The following NEK5 variants were observed in gnomAD, a reference collection of about 807,000 sequenced individuals.
NEK5 encodes NIMA related kinase 5, also known as serine/threonine-protein kinase Nek5.
Under a neutral mutation model 109.2 loss-of-function variants are expected in NEK5, and 88 were observed. The observed-to-expected ratio is 0.81, with a 90% CI of 0.68 to 0.96. The LOEUF is 0.96. NEK5 is among the 40% of genes least tolerant of loss of function. The pLI, the probability that NEK5 is intolerant of heterozygous loss-of-function variation, is 0.00. For missense variants in NEK5, 834 were observed against 920.7 expected (o/e 0.91, Z 1.22); for synonymous variants, 283 against 299.9 (o/e 0.94, Z 0.58).
chr13:52,089,192 C>G, intron 14 of NEK5, 55 bp downstream of exon 14: 1 of 1,121,960 alleles, frequency 8.9e-7, no homozygotes, highest in Non-Finnish European at 1.4e-6. Flanking sequence ...AATCTGTGAA[C>G]AGAAAAACTA....
Position 52,034,384 on chromosome 13 carries a change from T to G in NEK5, c.*2564A>C, listed in dbSNP as rs1209251242. Reference sequence around the variant, plus strand: ...TATGTATACTTATCACAGTGAATACTTCCAGTTTACAGCAAAGAATTCAAA... The same window carrying G: ...TATGTATACTTATCACAGTGAATACGTCCAGTTTACAGCAAAGAATTCAAA... On this transcript the variant is annotated 3_prime_UTR_variant, in exon 24 of 24. Coordinates refer to ENST00000684899, the MANE Select transcript of NEK5 (RefSeq NM_001365552.1). The G allele has an allele frequency of 6.6e-6, 1 of 152,184 alleles. No individual in the cohort carries two copies. Among genetic ancestry groups the G allele is most frequent in the Non-Finnish European group, 1.5e-5 (1 of 68,034 alleles). The allele number at this position is 152,184 out of a possible 1,614,324, so 9.4% of individuals were successfully genotyped here. A position where few individuals can be genotyped will look rare whatever the true frequency, so the allele number is the denominator to read the frequency against.
At chr13:52,066,869 ACT>A (rs961729501) in intron 20 of NEK5, among the ~76,000 whole-genome samples, 5 of 151,956 alleles carry the variant, frequency 3.3e-5, no homozygotes, top group South Asian at 2.1e-4. Context: ...TTTACATATA[ACT>A]CTTTTTTAAA....
At chr13:52,105,758 T>G (rs1298439794) in intron 8 of NEK5, among the ~76,000 whole-genome samples, 1 of 152,198 alleles carries the variant, frequency 6.6e-6, no homozygotes, top group African/African-American at 2.4e-5. Flanking sequence ...TTGAGGACTG[T>G]GGTGAACCAG....
chr13:52,036,423 A>G lies in NEK5; in HGVS notation c.*525T>C, dbSNP rs921124545. ...GGGACATGTTTTGGAGGGGGCATTG[A>G]GCCACATTACTCTGCCTACCACATA... On this transcript the variant is annotated 3_prime_UTR_variant, in exon 24 of 24. Transcript: ENST00000684899. 1 of 151,722 alleles carries G rather than the reference A, an allele frequency of 6.6e-6. No homozygotes were observed. Among genetic ancestry groups the G allele is most frequent in the Non-Finnish European group, 1.5e-5 (1 of 67,998 alleles). 9.4% of individuals were successfully genotyped at this position (151,722 alleles called of 1,614,324 possible).
intron 21 of NEK5, among the ~76,000 whole-genome samples, chr13:52,064,142 T>C (rs1954645304): frequency 8.3e-6 from 1 of 120,320 alleles, no homozygotes; most frequent in Non-Finnish European, 1.7e-5. Context: ...CAGGAGCCCC[T>C]CTGCCTGGCC....
intron 4 of NEK5, among the ~76,000 whole-genome samples, chr13:52,113,207 A>G (rs1005333664): frequency 1.3e-5 from 2 of 152,244 alleles, no homozygotes; most frequent in African/African-American, 2.4e-5. Context: ...TGTACAGACT[A>G]TCCACAAATC....
intron 12 of NEK5, among the ~76,000 whole-genome samples, chr13:52,097,341 C>A (rs1384765494): frequency 1.3e-5 from 2 of 152,224 alleles, no homozygotes; most frequent in African/African-American, 4.8e-5. Context: ...GCACCACGCA[C>A]CTGGAAAAGC....
chr13:52,054,892 C>T (rs1732492326), intron 22 of NEK5, among the ~76,000 whole-genome samples: 1 of 152,210 alleles, frequency 6.6e-6, no homozygotes, highest in Non-Finnish European at 1.5e-5. Flanking sequence ...AGCAGAGCAC[C>T]TCTCCTCCTC....
Position 52,112,284 on chromosome 13 carries a change from A to T in NEK5, c.296T>A (p.Leu99Ter). Residue 99 changes from leucine to a stop codon, truncating the protein, a stop_gained, in exon 5 of 24, where the codon TTA (leucine) becomes TAA (stop). Coordinates refer to ENST00000684899, the MANE Select transcript of NEK5 (RefSeq NM_001365552.1). LOFTEE classifies it high-confidence loss of function. Reference sequence around the variant, plus strand: ...AGTTTTTACCTGATCTTCACTAAATAACACACCCCGTTGTCTATTGATCCT... The same window carrying T: ...AGTTTTTACCTGATCTTCACTAAATTACACACCCCGTTGTCTATTGATCCT... Reference protein sequence around the residue: ...MKRINRQRGVLFSEDQILGWF... With the variant: ...MKRINRQRGV The T allele has an allele frequency of 1.2e-6, 2 of 1,606,984 alleles. No individual in the cohort carries two copies. Among genetic ancestry groups the T allele is most frequent in the Non-Finnish European group, 1.7e-6 (2 of 1,173,790 alleles).
chr13:52,076,011 G>A (rs1954862382), intron 18 of NEK5, 52 bp downstream of exon 18: 2 of 1,159,716 alleles, frequency 1.7e-6, no homozygotes, highest in Non-Finnish European at 1.3e-6. Flanking sequence ...TCACAAGGTG[G>A]CTCCCCAGCC....
rs560842983 is a variant in NEK5 at position 52,083,464 on chromosome 13, C to A, written c.1480-112G>T. The A allele has an allele frequency of 2.7e-5, 18 of 655,580 alleles. 1 individual carries two copies. In the South Asian group the frequency reaches 3.0e-4, roughly 11 times the overall value. 40.6% of individuals were successfully genotyped at this position (655,580 alleles called of 1,614,324 possible). A position where few individuals can be genotyped will look rare whatever the true frequency, so the allele number is the denominator to read the frequency against. ...TGGCTGGACAGAACCCTTTTTATAG[C>A]TCCTTTTCCCCGCCACAGCTTCAGT... is the stretch of plus-strand genomic sequence containing the variant. On this transcript the variant is annotated intron_variant, in intron 16 of 23. Transcript: ENST00000684899.
At chr13:52,103,874 ACT>A (rs1353376429) in intron 9 of NEK5, among the ~76,000 whole-genome samples, 2 of 152,016 alleles carry the variant, frequency 1.3e-5, no homozygotes, top group African/African-American at 2.4e-5. Flanking sequence ...CTGGGAAAAG[ACT>A]CTTAAAAGCT....
Position 52,085,920 on chromosome 13 carries a change from G to A in NEK5, c.1479+357C>T, listed in dbSNP as rs115729170. The stretch of plus-strand genomic sequence containing the variant: ...GGTTTGTTTTTTTCCCACCTTCTGG[G>A]CATGAACTTACACTCATTTTGGACT... On this transcript the variant is annotated intron_variant, in intron 16 of 23. Transcript: ENST00000684899. Among the ~76,000 whole-genome samples the A allele has an allele frequency of 3.0e-3, 451 of 152,240 alleles. 3 individuals carry two copies. The highest frequency in any genetic ancestry group is 0.01 in the African/African-American group (428 of 41,556).
Position 52,125,432 on chromosome 13 carries a change from G to A in NEK5, c.117+1934C>T, listed in dbSNP as rs1026390051. ...CAAAAAATTAGCCAGGCGTGGTGGC[G>A]GGCGCCTGTAGTCCCAGCTACTCGG... is the stretch of plus-strand genomic sequence containing the variant. On this transcript the variant is annotated intron_variant, in intron 3 of 23. Transcript: ENST00000684899. 4.6e-5 allele frequency among the ~76,000 whole-genome samples: 7 copies of A among 152,108 alleles called. No homozygotes were observed. The South Asian group carries it at 8.3e-4, about 18-fold the overall frequency.
At chr13:52,061,419 C>A (rs1954613890) in intron 22 of NEK5, among the ~76,000 whole-genome samples, 1 of 152,034 alleles carries the variant, frequency 6.6e-6, no homozygotes, top group African/African-American at 2.4e-5. Context: ...CAGAATCTTG[C>A]TAAAAATTGG....
intron 23 of NEK5, among the ~76,000 whole-genome samples, chr13:52,045,082 G>A (rs965547312): frequency 3.3e-5 from 5 of 149,412 alleles, no homozygotes; most frequent in Admixed American, 2.0e-4. Flanking sequence ...ATGCAAATAC[G>A]TATAAAAACG....
Position 52,034,375 on chromosome 13 carries a change from A to G in NEK5, c.*2573T>C, listed in dbSNP as rs150281460. 1.3e-5 allele frequency: 2 copies of G among 152,352 alleles called. No individual in the cohort carries two copies. Among genetic ancestry groups the G allele is most frequent in the East Asian group, 3.9e-4 (2 of 5,190 alleles). 9.4% of individuals were successfully genotyped at this position (152,352 alleles called of 1,614,324 possible). On this transcript the variant is annotated 3_prime_UTR_variant, in exon 24 of 24. Transcript: ENST00000684899. ...TGTTGCAGATATGTATACTTATCACAGTGAATACTTCCAGTTTACAGCAAA... is the reference window on the plus strand; with the variant it reads ...TGTTGCAGATATGTATACTTATCACGGTGAATACTTCCAGTTTACAGCAAA...
chr13:52,119,325 ATGAAT>A lies in NEK5; in HGVS notation c.203_207del (p.Asn68IlefsTer15), dbSNP rs1239859640. On this transcript the variant is annotated frameshift_variant, in exon 4 of 24. Coordinates refer to ENST00000684899, the MANE Select transcript of NEK5 (RefSeq NM_001365552.1). LOFTEE classifies it high-confidence loss of function. ...GAATATTAGAAAATCAAACCTTGAA[ATGAAT>A]TGAAGAAGGCTACAATGTTGGGATG... 6.4e-7 allele frequency: 1 copy of A among 1,554,404 alleles called. No individual in the cohort carries two copies. Among genetic ancestry groups the A allele is most frequent in the African/African-American group, 1.4e-5 (1 of 73,508 alleles).
intron 7 of NEK5, among the ~76,000 whole-genome samples, chr13:52,109,858 T>A (rs189005294): frequency 1.3e-5 from 2 of 152,306 alleles, no homozygotes; most frequent in East Asian, 3.9e-4. Context: ...ACCAAACCCA[T>A]GTACATCTAA....
Sources: gnomAD v4.1 joint callset for allele counts (sites outside exome capture counted in the v4.1 genomes callset) on GRCh38, gnomAD v4.1.1 for gene constraint, MANE v1.5 for transcripts, NCBI Gene and HGNC (gene_info 2026-07-23, HGNC 2026-07-21) for gene names.